The following COLGALT1 variants were observed in gnomAD, a reference collection of about 807,000 sequenced individuals.
COLGALT1 encodes the protein procollagen galactosyltransferase 1.
In COLGALT1, 43 loss-of-function variants were observed where a neutral mutation model predicts 60.8. That is an observed-to-expected ratio of 0.71 (90% CI 0.55 to 0.91). COLGALT1 has a LOEUF of 0.91. COLGALT1 is among the 40% of genes least tolerant of loss of function. The pLI is 0.00. For synonymous variants in COLGALT1, 369 were observed against 374.2 expected (o/e 0.99, Z 0.16); for missense variants, 845 against 880.0 (o/e 0.96, Z 0.50).
intron 3 of COLGALT1, among the ~76,000 whole-genome samples, chr19:17,561,858 C>A (rs1270753572): frequency 6.6e-6 from 1 of 151,936 alleles, no homozygotes; most frequent in African/African-American, 2.4e-5. Context: ...TCATACTTTT[C>A]TATATTCTCC....
intron 3 of COLGALT1, among the ~76,000 whole-genome samples, chr19:17,561,430 G>A (rs1195772071): frequency 6.6e-6 from 1 of 151,440 alleles, no homozygotes. Context: ...AAACCTTTGG[G>A]TCACTTCCAA....
chr19:17,567,333 C>G, intron 3 of COLGALT1, 73 bp from the exon 4 acceptor site: 1 of 1,589,868 alleles, frequency 6.3e-7, no homozygotes. Flanking sequence ...AGGGCACTGG[C>G]CTTTGCCCCA....
At position 17,570,329 on chromosome 19, in the gene COLGALT1, T is replaced by C. The variant is rs575232405; in HGVS notation, c.829+1616T>C. Among the ~76,000 whole-genome samples, 26 of 152,120 alleles carry C rather than the reference T, an allele frequency of 1.7e-4. 1 individual carries two copies. Among genetic ancestry groups the C allele is most frequent in the Admixed American group, 1.7e-3 (26 of 15,268 alleles). On this transcript the variant is annotated intron_variant, in intron 5 of 11. Transcript: ENST00000252599. ...ATCGTAGCTCACTGCAGCCTCAACCTCCTGGGCTCAAGCAATCCTCTCATC... is the reference window on the plus strand; with the variant it reads ...ATCGTAGCTCACTGCAGCCTCAACCCCCTGGGCTCAAGCAATCCTCTCATC...
intron 6 of COLGALT1, among the ~76,000 whole-genome samples, chr19:17,573,434 C>G (rs1242762881): frequency 6.6e-6 from 1 of 152,060 alleles, no homozygotes; most frequent in Non-Finnish European, 1.5e-5. Flanking sequence ...GAGGCTGAGG[C>G]AGGAGAATCA....
chr19:17,556,097 C>G (rs2076209260), intron 1 of COLGALT1, 124 bp downstream of exon 1: 6 of 1,096,724 alleles, frequency 5.5e-6, no homozygotes, highest in African/African-American at 3.3e-5. Flanking sequence ...CGCGTGCTTC[C>G]TGCTCGCTAC....
At chr19:17,579,178 A>G (rs1176753843) in intron 9 of COLGALT1, among the ~76,000 whole-genome samples, 3 of 152,068 alleles carry the variant, frequency 2.0e-5, no homozygotes, top group Non-Finnish European at 4.4e-5. Context: ...AAAAAAAAAA[A>G]AAAAGAAAAA....
chr19:17,570,640 A>G (rs990700069), intron 5 of COLGALT1, among the ~76,000 whole-genome samples: 2 of 152,050 alleles, frequency 1.3e-5, no homozygotes, highest in African/African-American at 4.8e-5. Context: ...ATCTCAGCTC[A>G]CTGCAACCTC....
At chr19:17,563,286 G>A (rs1310958737) in intron 3 of COLGALT1, among the ~76,000 whole-genome samples, 2 of 150,386 alleles carry the variant, frequency 1.3e-5, no homozygotes, top group African/African-American at 4.9e-5. Flanking sequence ...CACCTCCTGG[G>A]GTCAAGTGAC....
At chr19:17,557,833 C>T (rs2076222286) in intron 1 of COLGALT1, among the ~76,000 whole-genome samples, 1 of 152,026 alleles carries the variant, frequency 6.6e-6, no homozygotes, top group South Asian at 2.1e-4. Context: ...AACTCCCGAG[C>T]TCAAGTGACC....
intron 10 of COLGALT1, chr19:17,580,463 C>G (rs2076373384): frequency 3.5e-6 from 2 of 577,740 alleles, no homozygotes; most frequent in Non-Finnish European, 6.2e-6. Context: ...ATCCTGCTCT[C>G]CCCAGCTCCA....
chr19:17,564,877 C>T (rs1447383579), intron 3 of COLGALT1, among the ~76,000 whole-genome samples: 1 of 152,150 alleles, frequency 6.6e-6, no homozygotes, highest in African/African-American at 2.4e-5. Context: ...CTATTCCCAT[C>T]AGCAGTCACT....
chr19:17,568,318 C>T (rs923137935), intron 4 of COLGALT1, among the ~76,000 whole-genome samples, 191 bp from the exon 5 acceptor site: 2 of 152,162 alleles, frequency 1.3e-5, no homozygotes, highest in Non-Finnish European at 2.9e-5. Context: ...TGGGAAAATA[C>T]AAGGCTCTTT....
chr19:17,560,260 T>G, intron 2 of COLGALT1, 88 bp from the exon 3 acceptor site: 1 of 974,386 alleles, frequency 1.0e-6, no homozygotes, highest in Non-Finnish European at 1.6e-6. Context: ...TCCAGGAAGC[T>G]CTCTCTGAGT....
chr19:17,582,484 T>G lies in COLGALT1; in HGVS notation c.*1040T>G, dbSNP rs548698130. 1 of 152,360 alleles carries G rather than the reference T, an allele frequency of 6.6e-6. No individual in the cohort carries two copies. The highest frequency in any genetic ancestry group is 2.4e-5 in the African/African-American group (1 of 41,586). 9.4% of individuals were successfully genotyped at this position (152,360 alleles called of 1,614,324 possible). A position where few individuals can be genotyped will look rare whatever the true frequency, so the allele number is the denominator to read the frequency against. On this transcript the variant is annotated 3_prime_UTR_variant, in exon 12 of 12. Coordinates refer to ENST00000252599, the MANE Select transcript of COLGALT1 (RefSeq NM_024656.4). Reference sequence around the variant, plus strand: ...TCCCACACACCTGAAGAGCACTGACTGTGTGCCGGGCACTAGTGATACAAA... The same window carrying G: ...TCCCACACACCTGAAGAGCACTGACGGTGTGCCGGGCACTAGTGATACAAA...
chr19:17,568,400 C>T, intron 4 of COLGALT1, 109 bp from the exon 5 acceptor site: 1 of 960,986 alleles, frequency 1.0e-6, no homozygotes, highest in Non-Finnish European at 1.7e-6. Context: ...CAGGCGCACA[C>T]TGCTGTGCCT....
chr19:17,571,711 C>G (rs998003105), intron 5 of COLGALT1, among the ~76,000 whole-genome samples: 8 of 152,056 alleles, frequency 5.3e-5, no homozygotes, highest in Middle Eastern at 3.4e-3. Context: ...GAACGAGACT[C>G]TGTCTCAAAA....
At chr19:17,562,025 C>T (rs1210969855) in intron 3 of COLGALT1, among the ~76,000 whole-genome samples, 2 of 152,138 alleles carry the variant, frequency 1.3e-5, no homozygotes, top group African/African-American at 4.8e-5. Context: ...CCCCCGCCAT[C>T]ATGCCTGGCT....
chr19:17,579,453 CT>C (rs1568482206), intron 9 of COLGALT1, 28 bp from the exon 10 acceptor site: 1 of 1,614,032 alleles, frequency 6.2e-7, no homozygotes. Context: ...CTTGGCCTCC[CT>C]GTGATGTGGC....
In COLGALT1 at chr19:17,578,185, G is replaced by A. The variant is rs2076356773; in HGVS notation, c.1266+96G>A. The A allele has an allele frequency of 9.5e-6, 13 of 1,363,814 alleles. No individual in the cohort carries two copies. In the South Asian group the frequency reaches 1.9e-4, roughly 20 times the overall value. The allele number at this position is 1,363,814 out of a possible 1,614,324, so 84.5% of individuals were successfully genotyped here. A position where few individuals can be genotyped will look rare whatever the true frequency, so the allele number is the denominator to read the frequency against. On this transcript the variant is annotated intron_variant, in intron 9 of 11. Transcript: ENST00000252599. ...GGTTGAAAGAGTTCCCCAAAGCCCC[G>A]GCTAGGCATCCAGCCTCAGCCATGG...
Sources: allele counts gnomAD v4.1 joint callset (sites outside exome capture counted in the v4.1 genomes callset), GRCh38; gene constraint gnomAD v4.1.1; transcripts MANE v1.5; gene names NCBI Gene and HGNC (gene_info 2026-07-23, HGNC 2026-07-21).